The following RIN2 variants were observed in gnomAD, a reference collection of about 807,000 sequenced individuals.
The protein encoded by RIN2 is Ras and Rab interactor 2, also known as RAB5 interacting protein 2.
In RIN2, 36 loss-of-function variants were observed where a neutral mutation model predicts 78.0. That is an observed-to-expected ratio of 0.46 (90% CI 0.35 to 0.61). The LOEUF (loss-of-function observed/expected upper bound fraction) is 0.61. Ranked by LOEUF, RIN2 falls within the 20% of genes least tolerant of loss-of-function variation. The probability of loss-of-function intolerance (pLI) is 0.00; values close to 1 mark genes in which losing one functional copy is unlikely to be tolerated. For missense variants in RIN2, 1,087 were observed against 1,159.7 expected, an observed-to-expected ratio of 0.94 and a Z score of 0.91; for synonymous variants, 466 against 466.8, an observed-to-expected ratio of 1.00 and a Z score of 0.02.
chr20:19,974,533 G>T, intron 8 of RIN2, 121 bp from the exon 9 acceptor site: 1 of 962,418 alleles, frequency 1.0e-6, no homozygotes, highest in Non-Finnish European at 1.5e-6. Context: ...TGAGTACAAC[G>T]CACCCCCTAC....
chr20:19,992,574 G>A (rs1200655255), intron 11 of RIN2, among the ~76,000 whole-genome samples: 1 of 152,126 alleles, frequency 6.6e-6, no homozygotes, highest in Non-Finnish European at 1.5e-5. Context: ...TTAAAAGAGT[G>A]TACTAACCTT....
intron 2 of RIN2, among the ~76,000 whole-genome samples, chr20:19,858,756 T>C (rs962268636): frequency 6.6e-6 from 1 of 152,200 alleles, no homozygotes; most frequent in Non-Finnish European, 1.5e-5. Context: ...CCTTACTTAC[T>C]AAAGATGTCA....
intron 4 of RIN2, among the ~76,000 whole-genome samples, chr20:19,936,030 G>T (rs1320093493): frequency 6.6e-6 from 1 of 152,184 alleles, no homozygotes; most frequent in Non-Finnish European, 1.5e-5. Context: ...CAACAGGCAG[G>T]CCAGCCAGAT....
At chr20:19,806,748 A>G (rs1404575807) in intron 2 of RIN2, among the ~76,000 whole-genome samples, 1 of 152,158 alleles carries the variant, frequency 6.6e-6, no homozygotes. Context: ...GATAACAAAA[A>G]TTAGCCAGGC....
At chr20:19,838,219 G>A (rs1188345653) in intron 2 of RIN2, among the ~76,000 whole-genome samples, 2 of 152,088 alleles carry the variant, frequency 1.3e-5, no homozygotes, top group Non-Finnish European at 2.9e-5. Flanking sequence ...ATACTACATT[G>A]CATAGGATAT....
intron 9 of RIN2, among the ~76,000 whole-genome samples, chr20:19,985,533 T>A (rs2042594029): frequency 6.6e-6 from 1 of 152,172 alleles, no homozygotes; most frequent in Non-Finnish European, 1.5e-5. Context: ...TATGTTGTGG[T>A]TCAAACGATT....
intron 4 of RIN2, among the ~76,000 whole-genome samples, chr20:19,951,267 G>A (rs535611793): frequency 1.6e-4 from 24 of 152,210 alleles, no homozygotes; most frequent in Non-Finnish European, 2.2e-4. Context: ...TATTCACCTC[G>A]AACCTGTATT....
intron 2 of RIN2, among the ~76,000 whole-genome samples, chr20:19,833,825 G>A (rs934821558): frequency 6.6e-6 from 1 of 152,162 alleles, no homozygotes; most frequent in Non-Finnish European, 1.5e-5. Flanking sequence ...GTGCAAAAGT[G>A]CAGTCCCCTC....
intron 7 of RIN2, 128 bp downstream of exon 7, chr20:19,965,152 C>T (rs1304191016): frequency 2.7e-6 from 2 of 749,236 alleles, no homozygotes; most frequent in African/African-American, 3.5e-5. Flanking sequence ...AGACTGGTTA[C>T]TTAAGTAAAA....
chr20:19,869,997 T>C (rs911305702), intron 2 of RIN2, among the ~76,000 whole-genome samples: 5 of 152,004 alleles, frequency 3.3e-5, no homozygotes, highest in Admixed American at 6.5e-5. Context: ...CAAGAATAGT[T>C]CTGAGGACTC....
intron 2 of RIN2, among the ~76,000 whole-genome samples, chr20:19,811,630 CTG>C (rs2035602567): frequency 6.6e-6 from 1 of 152,178 alleles, no homozygotes; most frequent in South Asian, 2.1e-4. Flanking sequence ...AACGCAGAAA[CTG>C]TATGCCTACA....
intron 9 of RIN2, among the ~76,000 whole-genome samples, chr20:19,980,704 A>G (rs188623395): frequency 1.3e-5 from 2 of 152,194 alleles, no homozygotes; most frequent in African/African-American, 4.8e-5. Flanking sequence ...GGGCACACCT[A>G]TGTTTTTCCA....
At chr20:19,841,756 T>C (rs2036583380) in intron 2 of RIN2, among the ~76,000 whole-genome samples, 1 of 152,210 alleles carries the variant, frequency 6.6e-6, no homozygotes, top group Non-Finnish European at 1.5e-5. Flanking sequence ...TTTGTCAATA[T>C]GAAGGCTAAG....
intron 12 of RIN2, among the ~76,000 whole-genome samples, chr20:19,998,060 C>G (rs2043026808): frequency 6.6e-6 from 1 of 151,548 alleles, no homozygotes; most frequent in Non-Finnish European, 1.5e-5. Context: ...CTCACTGCAA[C>G]CTCCACCTCC....
chr20:19,790,930 A>G (rs900459543), intron 1 of RIN2, among the ~76,000 whole-genome samples: 6 of 152,202 alleles, frequency 3.9e-5, no homozygotes, highest in Non-Finnish European at 7.3e-5. Context: ...TGAATCCTCA[A>G]TATGCCCCAA....
chr20:19,961,477 C>G (rs186843450), intron 6 of RIN2, among the ~76,000 whole-genome samples: 1 of 152,084 alleles, frequency 6.6e-6, no homozygotes, highest in Non-Finnish European at 1.5e-5. Context: ...AAGAAAGGAT[C>G]GGAAGATGGA....
chr20:19,796,781 G>A (rs1054908263), intron 1 of RIN2, among the ~76,000 whole-genome samples: 1 of 152,182 alleles, frequency 6.6e-6, no homozygotes, highest in Non-Finnish European at 1.5e-5. Flanking sequence ...CCAAAGAATT[G>A]AGCCTTGGGA....
chr20:19,798,110 C>A (rs776839595), intron 1 of RIN2, among the ~76,000 whole-genome samples: 2 of 151,464 alleles, frequency 1.3e-5, no homozygotes, highest in Non-Finnish European at 2.9e-5. Context: ...CTTGGCCTCC[C>A]GAAGTGCTGG....
Position 19,906,994 on chromosome 20 carries a change from C to G in RIN2, c.57+17336C>G, listed in dbSNP as rs564285859. Reference sequence around the variant, plus strand: ...AAGAACAGAGATTTATATGCTACAACTCTGGAGGCTGGGAAGTCCCAAGGT... The same window carrying G: ...AAGAACAGAGATTTATATGCTACAAGTCTGGAGGCTGGGAAGTCCCAAGGT... On this transcript the variant is annotated intron_variant, in intron 3 of 12. Transcript: ENST00000255006. 2.6e-5 allele frequency among the ~76,000 whole-genome samples: 4 copies of G among 152,286 alleles called. No individual in the cohort carries two copies. In the South Asian group the frequency reaches 8.3e-4, roughly 32 times the overall value.
Sources: allele counts gnomAD v4.1 joint callset (sites outside exome capture counted in the v4.1 genomes callset), GRCh38; gene constraint gnomAD v4.1.1; transcripts MANE v1.5; gene names NCBI Gene and HGNC (gene_info 2026-07-23, HGNC 2026-07-21).